The following ARSB variants were observed in gnomAD, a reference collection of about 807,000 sequenced individuals.
ARSB encodes the protein N-acetylgalactosamine-4-sulfatase.
A neutral mutation model predicts 50.9 loss-of-function variants in ARSB; 41 were observed. That is an observed-to-expected ratio of 0.81 (90% CI 0.63 to 1.04). The LOEUF is 1.04. Among genes scored for constraint, ARSB ranks in the 50% least tolerant of loss-of-function variants. The probability of loss-of-function intolerance (pLI) is 0.00; values close to 1 mark genes in which losing one functional copy is unlikely to be tolerated. For missense variants in ARSB, 672 were observed against 693.3 expected, an observed-to-expected ratio of 0.97 and a Z score of 0.35; for synonymous variants, 269 against 284.8, an observed-to-expected ratio of 0.94 and a Z score of 0.56.
At chr5:78,935,902 A>C (rs1750559240) in intron 4 of ARSB, among the ~76,000 whole-genome samples, 2 of 145,448 alleles carry the variant, frequency 1.4e-5, no homozygotes, top group East Asian at 2.0e-4. Context: ...CTCTCTGGGT[A>C]TTTTTCGTTC....
At chr5:78,927,009 G>C (rs1178782447) in intron 4 of ARSB, among the ~76,000 whole-genome samples, 1 of 152,126 alleles carries the variant, frequency 6.6e-6, no homozygotes. Flanking sequence ...AGCCTCCCGA[G>C]TAGCTAGGAC....
At chr5:78,958,875 GT>G (rs151233687) in intron 3 of ARSB, among the ~76,000 whole-genome samples, 1 of 152,304 alleles carries the variant, frequency 6.6e-6, no homozygotes, top group African/African-American at 2.4e-5. Context: ...AGTGTGGAAT[GT>G]TAAACATACC....
At chr5:78,911,258 T>C (rs1026623729) in intron 4 of ARSB, among the ~76,000 whole-genome samples, 1 of 152,074 alleles carries the variant, frequency 6.6e-6, no homozygotes, top group Non-Finnish European at 1.5e-5. Context: ...TTTATAATAA[T>C]GAGTCCCTGG....
chr5:78,782,523 T>C (rs968541145), intron 6 of ARSB, among the ~76,000 whole-genome samples: 4 of 152,112 alleles, frequency 2.6e-5, no homozygotes, highest in African/African-American at 4.8e-5. Flanking sequence ...ACTATGGGGG[T>C]AAGAACAAAT....
intron 6 of ARSB, chr5:78,783,351 G>C (rs1748980118): frequency 6.6e-6 from 1 of 152,008 alleles, no homozygotes; most frequent in South Asian, 2.1e-4. Flanking sequence ...GGGTTTTCAT[G>C]CAGGGTGTGT....
intron 5 of ARSB, among the ~76,000 whole-genome samples, chr5:78,869,910 C>A (rs372967163): frequency 2.6e-5 from 4 of 151,438 alleles, no homozygotes; most frequent in Admixed American, 1.3e-4. Flanking sequence ...AATTGATAGA[C>A]CGCTAGCAAG....
At chr5:78,818,585 A>G (rs1046720977) in intron 6 of ARSB, among the ~76,000 whole-genome samples, 5 of 145,480 alleles carry the variant, frequency 3.4e-5, no homozygotes, top group Non-Finnish European at 7.5e-5. Flanking sequence ...GAAAGAACCC[A>G]TAAAATAAAG....
intron 4 of ARSB, among the ~76,000 whole-genome samples, chr5:78,895,564 A>G (rs1207376467): frequency 6.6e-6 from 1 of 152,246 alleles, no homozygotes; most frequent in African/African-American, 2.4e-5. Flanking sequence ...GGTCACAACG[A>G]TAAGCACATG....
intron 5 of ARSB, among the ~76,000 whole-genome samples, chr5:78,841,161 ACT>A (rs1561451782): frequency 3.0e-4 from 42 of 139,556 alleles, no homozygotes; most frequent in Admixed American, 1.1e-3. Context: ...TACTACTACT[ACT>A]ACTACTAATA....
intron 4 of ARSB, among the ~76,000 whole-genome samples, chr5:78,949,549 T>C (rs559231393): frequency 6.6e-6 from 1 of 152,316 alleles, no homozygotes; most frequent in African/African-American, 2.4e-5. Context: ...GAGAAAGAAA[T>C]GCAAATTAGG....
At chr5:78,954,679 A>G (rs1448586519) in intron 4 of ARSB, among the ~76,000 whole-genome samples, 1 of 151,986 alleles carries the variant, frequency 6.6e-6, no homozygotes, top group African/African-American at 2.4e-5. Flanking sequence ...TAATTTTTGC[A>G]TTTTTAGTAG....
chr5:78,946,633 C>G (rs1423893956), intron 4 of ARSB, among the ~76,000 whole-genome samples: 1 of 152,048 alleles, frequency 6.6e-6, no homozygotes, highest in Non-Finnish European at 1.5e-5. Flanking sequence ...TTGAAGCAGA[C>G]ACAAAGTAAT....
intron 1 of ARSB, among the ~76,000 whole-genome samples, chr5:78,970,570 A>T (rs1280214175): frequency 6.6e-6 from 1 of 152,182 alleles, no homozygotes; most frequent in Non-Finnish European, 1.5e-5. Flanking sequence ...CTGATACTCT[A>T]ATGTCCAACA....
intron 6 of ARSB, among the ~76,000 whole-genome samples, chr5:78,787,814 T>C (rs1026655313): frequency 6.6e-6 from 1 of 152,106 alleles, no homozygotes; most frequent in African/African-American, 2.4e-5. Flanking sequence ...CACAACATAT[T>C]GGAGCTATAG....
At chr5:78,972,534 C>CACACACAA (rs1752497991) in intron 1 of ARSB, among the ~76,000 whole-genome samples, 1 of 151,694 alleles carries the variant, frequency 6.6e-6, no homozygotes, top group African/African-American at 2.4e-5. Context: ...CACACACACA[C>CACACACAA]ACACACACAC....
chr5:78,849,695 A>G (rs1203005936), intron 5 of ARSB, among the ~76,000 whole-genome samples: 1 of 143,656 alleles, frequency 7.0e-6, no homozygotes, highest in African/African-American at 2.5e-5. Context: ...GTCCATGAGC[A>G]TGGAATGTTC....
At chr5:78,808,605 G>T (rs530466901) in intron 6 of ARSB, among the ~76,000 whole-genome samples, 1 of 152,302 alleles carries the variant, frequency 6.6e-6, no homozygotes, top group East Asian at 1.9e-4. Flanking sequence ...ACTGGGTGGA[G>T]TGAGATTCAG....
intron 6 of ARSB, among the ~76,000 whole-genome samples, chr5:78,801,351 G>A (rs1382940578): frequency 1.3e-5 from 2 of 152,216 alleles, no homozygotes; most frequent in Admixed American, 6.5e-5. Context: ...AGTCGGGGAA[G>A]TACTGAACCA....
intron 4 of ARSB, among the ~76,000 whole-genome samples, chr5:78,900,501 G>A (rs1331738131): frequency 6.6e-6 from 1 of 152,132 alleles, no homozygotes; most frequent in East Asian, 1.9e-4. Context: ...CTGAAAGAAT[G>A]TAGGGGAGGG....
Sources: gnomAD v4.1 joint callset for allele counts (sites outside exome capture counted in the v4.1 genomes callset) on GRCh38, gnomAD v4.1.1 for gene constraint, MANE v1.5 for transcripts, NCBI Gene and HGNC (gene_info 2026-07-23, HGNC 2026-07-21) for gene names.